Variants in DENND4C observed in about 807,000 individuals in gnomAD.
DENND4C encodes DENN domain containing 4C.
DENND4C carries 108 observed loss-of-function variants against 203.0 expected under a neutral mutation model. That is an observed-to-expected ratio of 0.53 (90% confidence interval 0.46 to 0.62). The LOEUF (loss-of-function observed/expected upper bound fraction) is 0.62, where lower values mean the gene tolerates loss of function less well. Among genes scored for constraint, DENND4C ranks in the 20% least tolerant of loss-of-function variants. The pLI is 0.00. For synonymous variants in DENND4C, 871 were observed against 792.4 expected, an observed-to-expected ratio of 1.10 and a Z score of -1.67; for missense variants, 2,481 against 2,301.2, an observed-to-expected ratio of 1.08 and a Z score of -1.60.
chr9:19,351,020 C>T (rs2132063772), intron 24 of DENND4C, 141 bp downstream of exon 24: 2 of 794,980 alleles, frequency 2.5e-6, no homozygotes, highest in East Asian at 5.6e-5. Flanking sequence ...GCCTCGGCCT[C>T]CCAAAGTGCT....
intron 16 of DENND4C, among the ~76,000 whole-genome samples, chr9:19,328,641 GTC>G (rs1563808373): frequency 8.0e-6 from 1 of 124,800 alleles, no homozygotes. Context: ...GTGTCTGTCT[GTC>G]TGTCTGTCTG....
At chr9:19,367,325 G>T (rs1463935001) in intron 30 of DENND4C, among the ~76,000 whole-genome samples, 1 of 152,246 alleles carries the variant, frequency 6.6e-6, no homozygotes, top group Non-Finnish European at 1.5e-5. Flanking sequence ...ATATGATACA[G>T]CAGTTGCACT....
chr9:19,291,270 A>G (rs565198379), intron 5 of DENND4C: 3 of 156,940 alleles, frequency 1.9e-5, no homozygotes, highest in Admixed American at 6.3e-5. Context: ...CATTGAGATG[A>G]CCTAAGAACT....
At chr9:19,253,729 C>CT (rs1049145283) in intron 1 of DENND4C, among the ~76,000 whole-genome samples, 21 of 151,890 alleles carry the variant, frequency 1.4e-4, no homozygotes, top group South Asian at 4.2e-4. Flanking sequence ...TTTTTTTTAT[C>CT]TTTTTTTTGA....
intron 24 of DENND4C, among the ~76,000 whole-genome samples, chr9:19,351,742 G>T (rs1197096202): frequency 1.3e-5 from 2 of 151,552 alleles, no homozygotes; most frequent in East Asian, 3.9e-4. Flanking sequence ...GGGAGGCAGA[G>T]GTTGCAGTGA....
intron 1 of DENND4C, among the ~76,000 whole-genome samples, chr9:19,265,118 G>A (rs1830221383): frequency 6.6e-6 from 1 of 152,106 alleles, no homozygotes; most frequent in African/African-American, 2.4e-5. Context: ...GGGCTCAGGA[G>A]ATTCTCCCAC....
intron 23 of DENND4C, among the ~76,000 whole-genome samples, chr9:19,349,207 G>A (rs923467854): frequency 1.3e-5 from 2 of 152,132 alleles, no homozygotes; most frequent in East Asian, 3.9e-4. Context: ...AGGAGTTTGA[G>A]CCTAGCATGG....
At chr9:19,352,713 A>T (rs765724143) in intron 26 of DENND4C, 48 bp downstream of exon 26, 1 of 1,420,186 alleles carries the variant, frequency 7.0e-7, no homozygotes, top group Admixed American at 2.3e-5. Context: ...CTCAAAAAAC[A>T]CGACTTCTGG....
chr9:19,247,187 A>G (rs1486913857), intron 1 of DENND4C, among the ~76,000 whole-genome samples: 3 of 151,994 alleles, frequency 2.0e-5, no homozygotes, highest in Non-Finnish European at 4.4e-5. Flanking sequence ...TCTCGGTCTT[A>G]TTTTCTAGCT....
intron 30 of DENND4C, among the ~76,000 whole-genome samples, chr9:19,363,573 G>A (rs1826974496): frequency 2.0e-5 from 3 of 151,912 alleles, no homozygotes; most frequent in Admixed American, 2.0e-4. Flanking sequence ...TTATTTAAAG[G>A]CCTTATCTCC....
intron 12 of DENND4C, 146 bp from the exon 13 acceptor site, chr9:19,324,216 T>C (rs1216990791): frequency 4.0e-6 from 2 of 493,972 alleles, no homozygotes; most frequent in African/African-American, 4.0e-5. Context: ...TAAGAGATAC[T>C]CAACCTATAG....
chr9:19,237,756 G>C (rs1219443312), intron 1 of DENND4C, among the ~76,000 whole-genome samples: 1 of 152,142 alleles, frequency 6.6e-6, no homozygotes, highest in Non-Finnish European at 1.5e-5. Flanking sequence ...CCGCTGGCTA[G>C]ATTAATGCTA....
chr9:19,305,607 A>T lies in DENND4C; in HGVS notation c.1487+80A>T, dbSNP rs1839495278. Reference sequence around the variant, plus strand: ...TACAGTTCTTTGAAAGCATCTAGAAATATGCTATTTTTGGTAGTTGTTAAA... The same window carrying T: ...TACAGTTCTTTGAAAGCATCTAGAATTATGCTATTTTTGGTAGTTGTTAAA... On this transcript the variant is annotated intron_variant, in intron 10 of 32. Transcript: ENST00000434457. 4.3e-6 allele frequency: 6 copies of T among 1,387,210 alleles called. No individual in the cohort carries two copies. The Admixed American group carries it at 8.0e-5, about 18-fold the overall frequency. The allele number at this position is 1,387,210 out of a possible 1,614,324, so 85.9% of individuals were successfully genotyped here.
chr9:19,233,561 CTT>C (rs11438629), intron 1 of DENND4C, among the ~76,000 whole-genome samples: 9 of 131,272 alleles, frequency 6.9e-5, no homozygotes, highest in Admixed American at 1.7e-4. Flanking sequence ...TATTTGAAAC[CTT>C]TTTTTTTTTT....
chr9:19,344,529 C>G (rs1822369068), intron 22 of DENND4C, among the ~76,000 whole-genome samples: 1 of 152,036 alleles, frequency 6.6e-6, no homozygotes, highest in African/African-American at 2.4e-5. Flanking sequence ...GACTCTCACT[C>G]TGTCGCCTAG....
At chr9:19,290,126 A>G (rs1835993755) in intron 4 of DENND4C, among the ~76,000 whole-genome samples, 1 of 151,200 alleles carries the variant, frequency 6.6e-6, no homozygotes. Flanking sequence ...CCATGTAGCT[A>G]ATTTATTCTG....
Position 19,361,989 on chromosome 9 carries a change from A to G in DENND4C, c.5524+26A>G, listed in dbSNP as rs1005321546. 6.2e-6 allele frequency: 9 copies of G among 1,440,348 alleles called. No homozygotes were observed. In the African/African-American group the frequency reaches 7.0e-5, roughly 11 times the overall value. The allele number at this position is 1,440,348 out of a possible 1,614,324, so 89.2% of individuals were successfully genotyped here. A position where few individuals can be genotyped will look rare whatever the true frequency, so the allele number is the denominator to read the frequency against. On this transcript the variant is annotated intron_variant, in intron 30 of 32. Coordinates refer to ENST00000434457, the MANE Select transcript of DENND4C (RefSeq NM_001330640.2). ...GTAAGTAAAATAGAATTAAAGACAT[A>G]ACAGCCAGGTGCAGTGGCTCGCACC...
intron 1 of DENND4C, among the ~76,000 whole-genome samples, chr9:19,253,332 C>T (rs922396010): frequency 4.6e-5 from 7 of 152,220 alleles, no homozygotes; most frequent in African/African-American, 1.4e-4. Flanking sequence ...ATGCCCAACG[C>T]CTTTTAGGCA....
At chr9:19,342,316 G>C (rs1821843478) in intron 21 of DENND4C, among the ~76,000 whole-genome samples, 1 of 152,092 alleles carries the variant, frequency 6.6e-6, no homozygotes, top group Admixed American at 6.5e-5. Context: ...TTATACTCCA[G>C]AGTTATGGAG....
Sources: gnomAD v4.1 joint callset for allele counts (sites outside exome capture counted in the v4.1 genomes callset) on GRCh38, gnomAD v4.1.1 for gene constraint, MANE v1.5 for transcripts, NCBI Gene and HGNC (gene_info 2026-07-23, HGNC 2026-07-21) for gene names.